Variants in GRID2 observed in about 807,000 individuals in gnomAD.
GRID2 encodes the protein glutamate ionotropic receptor delta type subunit 2, also known as glutamate receptor ionotropic, delta-2.
In GRID2, 33 loss-of-function variants were observed where a neutral mutation model predicts 114.8. That is an observed-to-expected ratio of 0.29 (90% confidence interval 0.22 to 0.38). The LOEUF (loss-of-function observed/expected upper bound fraction) is 0.38. GRID2 is among the 10% of genes least tolerant of loss of function. GRID2 has a pLI of 1.00. For missense variants in GRID2, 1,184 were observed against 1,257.7 expected (o/e 0.94, Z 0.89); for synonymous variants, 505 against 449.9 (o/e 1.12, Z -1.55).
intron 14 of GRID2, among the ~76,000 whole-genome samples, chr4:93,714,302 G>C (rs1427142340): frequency 6.6e-6 from 1 of 152,076 alleles, no homozygotes; most frequent in East Asian, 1.9e-4. Context: ...AGTATTCCAT[G>C]GTTTATATGG....
intron 1 of GRID2, among the ~76,000 whole-genome samples, chr4:92,388,220 T>G (rs1454142976): frequency 6.6e-6 from 1 of 152,094 alleles, no homozygotes; most frequent in African/African-American, 2.4e-5. Flanking sequence ...GACAATCTTA[T>G]GTAGGTGGAG....
chr4:92,678,582 G>A (rs1330177190), intron 2 of GRID2, among the ~76,000 whole-genome samples: 2 of 151,664 alleles, frequency 1.3e-5, no homozygotes, highest in Non-Finnish European at 2.9e-5. Context: ...ATTGCATTTG[G>A]AATTAGCTCT....
At chr4:92,704,701 A>ATCTC (rs778705188) in intron 2 of GRID2, among the ~76,000 whole-genome samples, 3,012 of 113,576 alleles carry the variant, frequency 0.027, 138 homozygotes, top group African/African-American at 0.092. Context: ...CAATCAATCA[A>ATCTC]TCTCTCTCTC....
intron 2 of GRID2, among the ~76,000 whole-genome samples, chr4:92,794,257 C>T (rs1165825404): frequency 6.6e-6 from 1 of 151,674 alleles, no homozygotes; most frequent in African/African-American, 2.4e-5. Flanking sequence ...CATGAGCCAC[C>T]ACAAAAACTT....
chr4:93,056,898 A>G (rs1441646545), intron 2 of GRID2, among the ~76,000 whole-genome samples: 2 of 151,944 alleles, frequency 1.3e-5, no homozygotes, highest in African/African-American at 4.8e-5. Flanking sequence ...TTTCTTTTAA[A>G]TTTTGCCAGA....
At chr4:92,940,214 C>T (rs1229819687) in intron 2 of GRID2, among the ~76,000 whole-genome samples, 1 of 147,020 alleles carries the variant, frequency 6.8e-6, no homozygotes, top group African/African-American at 2.4e-5. Flanking sequence ...AATGTTCTTC[C>T]ATTTGTTTGT....
chr4:92,738,356 GC>G (rs2149329380), intron 2 of GRID2, among the ~76,000 whole-genome samples: 1 of 152,144 alleles, frequency 6.6e-6, no homozygotes, highest in African/African-American at 2.4e-5. Context: ...CTAACTTTTA[GC>G]TTATTCGCCC....
chr4:92,335,639 G>A (rs1579198039), intron 1 of GRID2, among the ~76,000 whole-genome samples: 2 of 152,106 alleles, frequency 1.3e-5, no homozygotes, highest in African/African-American at 4.8e-5. Context: ...ATTAAAGGAA[G>A]TCTAAAGTAT....
At position 93,376,795 on chromosome 4, in the gene GRID2, A is replaced by T. The variant is rs1305655847; in HGVS notation, c.1246-18812A>T. Reference sequence around the variant, plus strand: ...GAGAACACATGGACACAGAAAGGGGAACAACACACACTGGGGCCTTCCCCG... The same window carrying T: ...GAGAACACATGGACACAGAAAGGGGTACAACACACACTGGGGCCTTCCCCG... On this transcript the variant is annotated intron_variant, in intron 8 of 15. Transcript: ENST00000282020. 2.6e-5 allele frequency among the ~76,000 whole-genome samples: 4 copies of T among 152,174 alleles called. No individual in the cohort carries two copies. The East Asian group carries it at 7.7e-4, about 29-fold the overall frequency.
At chr4:93,146,001 C>T (rs1200071338) in intron 4 of GRID2, among the ~76,000 whole-genome samples, 1 of 151,962 alleles carries the variant, frequency 6.6e-6, no homozygotes, top group Non-Finnish European at 1.5e-5. Flanking sequence ...TATATATATA[C>T]ACAATATCTT....
At chr4:92,734,862 TTGTCCTCCC>T in intron 2 of GRID2, among the ~76,000 whole-genome samples, 1 of 151,524 alleles carries the variant, frequency 6.6e-6, no homozygotes, top group African/African-American at 2.4e-5. Flanking sequence ...CAGTGCAGCC[TTGTCCTCCC>T]AAGGGTCATG....
chr4:93,442,800 C>A (rs1307131784), intron 10 of GRID2, among the ~76,000 whole-genome samples: 2 of 152,028 alleles, frequency 1.3e-5, no homozygotes, highest in Non-Finnish European at 2.9e-5. Context: ...TTTTATTCCT[C>A]ACAATGCCTT....
At chr4:93,197,357 G>A (rs966852362) in intron 4 of GRID2, among the ~76,000 whole-genome samples, 2 of 152,174 alleles carry the variant, frequency 1.3e-5, no homozygotes, top group African/African-American at 4.8e-5. Context: ...TTAACTTTTT[G>A]TTCCTCAGTT....
intron 1 of GRID2, among the ~76,000 whole-genome samples, chr4:92,416,641 C>T (rs1378013377): frequency 1.3e-5 from 2 of 152,144 alleles, no homozygotes; most frequent in African/African-American, 2.4e-5. Context: ...ATTATCCCAG[C>T]ATCATTTGTT....
At chr4:93,481,178 T>A (rs957151681) in intron 11 of GRID2, among the ~76,000 whole-genome samples, 3 of 151,994 alleles carry the variant, frequency 2.0e-5, no homozygotes, top group Non-Finnish European at 2.9e-5. Flanking sequence ...TAGCATGGAG[T>A]CAATAAGGAG....
chr4:93,531,240 G>A (rs555464955), intron 13 of GRID2, among the ~76,000 whole-genome samples: 2 of 152,194 alleles, frequency 1.3e-5, no homozygotes, highest in South Asian at 4.1e-4. Flanking sequence ...AATTAAGGGG[G>A]CACTAAACAA....
chr4:92,391,986 T>G (rs1730260482), intron 1 of GRID2, among the ~76,000 whole-genome samples: 1 of 152,182 alleles, frequency 6.6e-6, no homozygotes, highest in African/African-American at 2.4e-5. Context: ...TCTGATGGTG[T>G]CTTTGTCTTC....
intron 13 of GRID2, among the ~76,000 whole-genome samples, chr4:93,535,439 T>C (rs1053814807): frequency 6.6e-6 from 1 of 152,032 alleles, no homozygotes; most frequent in African/African-American, 2.4e-5. Context: ...ACTCATATGG[T>C]AGTTTCATTT....
chr4:92,692,573 A>G (rs1734228756), intron 2 of GRID2, among the ~76,000 whole-genome samples: 1 of 152,192 alleles, frequency 6.6e-6, no homozygotes, highest in South Asian at 2.1e-4. Context: ...AAATATAGTA[A>G]CTTAGATTTT....
Sources: allele counts gnomAD v4.1 joint callset (sites outside exome capture counted in the v4.1 genomes callset), GRCh38; gene constraint gnomAD v4.1.1; transcripts MANE v1.5; gene names NCBI Gene and HGNC (gene_info 2026-07-23, HGNC 2026-07-21).